Variants in SKIC3 observed in about 807,000 individuals in gnomAD.
SKIC3 encodes SKI3 subunit of superkiller complex.
At chr5:95,504,092 T>TG in the SKIC3 span, among the ~76,000 whole-genome samples, 1 of 4,076 alleles carries the variant, frequency 2.5e-4, no homozygotes, top group Admixed American at 2.4e-3. Context: ...GGGGTGGGGG[T>TG]GGGGGGTGGG....
At chr5:95,506,962 C>T in the SKIC3 span, 1 of 1,613,208 alleles carries the variant, frequency 6.2e-7, no homozygotes, top group Non-Finnish European at 8.5e-7. Context: ...TTTCTTATTG[C>T]AACATTGTAA....
chr5:95,528,058 G>A, the SKIC3 span: 1 of 1,613,742 alleles, frequency 6.2e-7, no homozygotes, highest in Non-Finnish European at 8.5e-7. Context: ...CATAATCTGA[G>A]AGTTTAATCA....
the SKIC3 span, among the ~76,000 whole-genome samples, chr5:95,496,508 C>T: frequency 1.3e-5 from 2 of 152,040 alleles, no homozygotes; most frequent in East Asian, 3.9e-4. Context: ...ACTAGCAACC[C>T]AAGCACAAAG....
chr5:95,504,399 G>T, the SKIC3 span, among the ~76,000 whole-genome samples: 2 of 151,712 alleles, frequency 1.3e-5, no homozygotes, highest in African/African-American at 4.9e-5. Context: ...TTTTATAGTG[G>T]TCTACTAAAT....
chr5:95,529,361 T>C, the SKIC3 span: 1 of 515,288 alleles, frequency 1.9e-6, no homozygotes, highest in South Asian at 2.1e-5. Flanking sequence ...TTCTTTACAC[T>C]GTAGCTAGAA....
At chr5:95,490,799 A>G in the SKIC3 span, 1 of 1,429,582 alleles carries the variant, frequency 7.0e-7, no homozygotes. Context: ...TGCCCGGCCT[A>G]ATGAATATAT....
At chr5:95,484,869 T>A in the SKIC3 span, 1 of 1,611,722 alleles carries the variant, frequency 6.2e-7, no homozygotes, top group Non-Finnish European at 8.5e-7. Flanking sequence ...ATGTCAATGT[T>A]ACTTTCTTCT....
At chr5:95,480,555 A>C in the SKIC3 span, among the ~76,000 whole-genome samples, 1 of 152,180 alleles carries the variant, frequency 6.6e-6, no homozygotes, top group South Asian at 2.1e-4. Context: ...ACAATCTAGC[A>C]ATATCAGCAC....
At chr5:95,543,422 A>G in the SKIC3 span, 1 of 1,391,462 alleles carries the variant, frequency 7.2e-7, no homozygotes, top group Non-Finnish European at 1.0e-6. Flanking sequence ...GGAAATCTAT[A>G]TCTACCACTT....
At chr5:95,494,736 C>T in the SKIC3 span, 2 of 1,613,638 alleles carry the variant, frequency 1.2e-6, no homozygotes, top group Non-Finnish European at 8.5e-7. Context: ...TTTTTTTCAT[C>T]TTCTGCTGAA....
chr5:95,525,602 A>C, the SKIC3 span: 1 of 1,614,078 alleles, frequency 6.2e-7, no homozygotes, highest in Non-Finnish European at 8.5e-7. Flanking sequence ...CAGCTTCATC[A>C]AATGAACCTT....
chr5:95,472,079 C>T, the SKIC3 span, among the ~76,000 whole-genome samples: 1 of 152,208 alleles, frequency 6.6e-6, no homozygotes, highest in Non-Finnish European at 1.5e-5. Flanking sequence ...TCTCCACATC[C>T]TCTAGCAATG....
chr5:95,472,363 C>T, the SKIC3 span, among the ~76,000 whole-genome samples: 32 of 152,336 alleles, frequency 2.1e-4, no homozygotes, highest in Admixed American at 1.4e-3. Context: ...CTTTCTAAAA[C>T]GCTAGCAATT....
the SKIC3 span, among the ~76,000 whole-genome samples, chr5:95,518,614 T>C: frequency 6.6e-6 from 1 of 152,096 alleles, no homozygotes; most frequent in Non-Finnish European, 1.5e-5. Flanking sequence ...TCCAGTTCTA[T>C]CCAAATTGCC....
chr5:95,549,803 A>C, the SKIC3 span, among the ~76,000 whole-genome samples: 1 of 151,970 alleles, frequency 6.6e-6, no homozygotes, highest in East Asian at 1.9e-4. Flanking sequence ...CAATTTTCTA[A>C]ACAAACCCTT....
the SKIC3 span, chr5:95,503,057 T>G: frequency 6.2e-7 from 1 of 1,608,238 alleles, no homozygotes; most frequent in Non-Finnish European, 8.5e-7. Flanking sequence ...TCCTGATTGA[T>G]GAAGCATGGG....
the SKIC3 span, among the ~76,000 whole-genome samples, chr5:95,518,337 C>T: frequency 3.3e-5 from 5 of 152,018 alleles, no homozygotes; most frequent in Non-Finnish European, 5.9e-5. Context: ...CTCCTTCTAG[C>T]TATTTGAAAC....
the SKIC3 span, among the ~76,000 whole-genome samples, chr5:95,526,459 G>A: frequency 6.6e-6 from 1 of 151,244 alleles, no homozygotes; most frequent in African/African-American, 2.4e-5. Context: ...ACTTGGTTGT[G>A]TCTGACTGTC....
chr5:95,516,954 T>G, the SKIC3 span: 1 of 1,612,136 alleles, frequency 6.2e-7, no homozygotes, highest in Non-Finnish European at 8.5e-7. Flanking sequence ...AGATCATTCA[T>G]GTTGCTGCCT....
Sources: gnomAD v4.1 joint callset for allele counts (sites outside exome capture counted in the v4.1 genomes callset) on GRCh38, gnomAD v4.1.1 for gene constraint, MANE v1.5 for transcripts, NCBI Gene and HGNC (gene_info 2026-07-23, HGNC 2026-07-21) for gene names.